The following TEAD1 variants were observed in gnomAD, a reference collection of about 807,000 sequenced individuals.
The protein encoded by TEAD1 is TEA domain transcription factor 1, also known as transcriptional enhancer factor TEF-1.
In TEAD1, 9 loss-of-function variants were observed where a neutral mutation model predicts 54.9. The ratio of observed to expected loss-of-function variants is 0.16; its 90% confidence interval spans 0.10 to 0.29. The LOEUF is 0.29. TEAD1 is among the 10% of genes least tolerant of loss of function. The pLI, the probability that TEAD1 is intolerant of heterozygous loss-of-function variation, is 1.00. For synonymous variants in TEAD1, 200 were observed against 187.8 expected, an observed-to-expected ratio of 1.07 and a Z score of -0.53; for missense variants, 387 against 535.9, an observed-to-expected ratio of 0.72 and a Z score of 2.74.
intron 2 of TEAD1, among the ~76,000 whole-genome samples, chr11:12,723,509 C>T (rs564936883): frequency 9.2e-5 from 14 of 152,216 alleles, no homozygotes; most frequent in South Asian, 8.3e-4. Flanking sequence ...ATTAACTGTT[C>T]GTGATTTTAA....
At chr11:12,734,412 T>C (rs1202495084) in intron 2 of TEAD1, among the ~76,000 whole-genome samples, 1 of 152,142 alleles carries the variant, frequency 6.6e-6, no homozygotes, top group Non-Finnish European at 1.5e-5. Context: ...TATTTTATAA[T>C]TGAAAAAAAA....
intron 9 of TEAD1, among the ~76,000 whole-genome samples, chr11:12,883,875 G>A (rs1589956652): frequency 6.6e-6 from 1 of 151,912 alleles, no homozygotes; most frequent in Admixed American, 6.6e-5. Context: ...CGCACATGTA[G>A]TCCCAGCTAC....
At chr11:12,862,558 G>A (rs980060072) in intron 4 of TEAD1, among the ~76,000 whole-genome samples, 10 of 152,152 alleles carry the variant, frequency 6.6e-5, no homozygotes, top group African/African-American at 2.2e-4. Context: ...GCTAAGGACG[G>A]TGTATGAACC....
At chr11:12,740,066 A>G (rs1027625184) in intron 2 of TEAD1, among the ~76,000 whole-genome samples, 4 of 152,236 alleles carry the variant, frequency 2.6e-5, no homozygotes, top group African/African-American at 7.2e-5. Flanking sequence ...GAGGAACAGC[A>G]TAACAGTGGC....
intron 9 of TEAD1, among the ~76,000 whole-genome samples, chr11:12,885,392 C>T (rs896575559): frequency 3.3e-5 from 5 of 152,114 alleles, no homozygotes; most frequent in South Asian, 2.1e-4. Context: ...CCCGCCACTA[C>T]GCCTGGCTAA....
rs953830773 is a variant in TEAD1, at chr11:12,941,422, G to C, written c.*4200G>C. On this transcript the variant is annotated 3_prime_UTR_variant, in exon 13 of 13. Coordinates refer to ENST00000527636, the MANE Select transcript of TEAD1 (RefSeq NM_021961.6). ...CAAGTACTTGGTGTCAAAAGTCCCC[G>C]AACGACTTTTAAACCCAAGTCTTCT... The C allele has an allele frequency of 6.6e-6, 1 of 152,142 alleles. No individual in the cohort carries two copies. The highest frequency in any genetic ancestry group is 1.5e-5 in the Non-Finnish European group (1 of 68,030). The allele number at this position is 152,142 out of a possible 1,614,324, so 9.4% of individuals were successfully genotyped here.
chr11:12,757,130 T>C, intron 2 of TEAD1, among the ~76,000 whole-genome samples: 1 of 152,202 alleles, frequency 6.6e-6, no homozygotes, highest in Non-Finnish European at 1.5e-5. Flanking sequence ...TACTGACTTC[T>C]CTCTCCTCCT....
At position 12,794,674 on chromosome 11, in the gene TEAD1, G is replaced by A. The variant is rs148992204; in HGVS notation, c.202+30240G>A. 2.6e-3 allele frequency among the ~76,000 whole-genome samples: 395 copies of A among 152,252 alleles called. 2 individuals are homozygous for A. Among genetic ancestry groups the A allele is most frequent in the East Asian group, 0.016 (84 of 5,170 alleles). Reference sequence around the variant, plus strand: ...CCAGAATGGGCCTCTGTGGCGAGCCGGGCCTGTAACTGTTCCCACTCATAA... The same window carrying A: ...CCAGAATGGGCCTCTGTGGCGAGCCAGGCCTGTAACTGTTCCCACTCATAA... On this transcript the variant is annotated intron_variant, in intron 3 of 12. Coordinates refer to ENST00000527636, the MANE Select transcript of TEAD1 (RefSeq NM_021961.6).
intron 3 of TEAD1, among the ~76,000 whole-genome samples, chr11:12,855,741 C>A (rs920598864): frequency 6.6e-6 from 1 of 151,542 alleles, no homozygotes; most frequent in Admixed American, 6.6e-5. Flanking sequence ...GCTAGGAGTT[C>A]GAGACTAGCC....
intron 3 of TEAD1, among the ~76,000 whole-genome samples, chr11:12,788,884 C>T (rs912792606): frequency 3.3e-5 from 5 of 152,196 alleles, no homozygotes; most frequent in Non-Finnish European, 2.9e-5. Context: ...GGATTAAAAA[C>T]CAATTTAACT....
At chr11:12,702,107 G>T (rs142883641) in intron 2 of TEAD1, among the ~76,000 whole-genome samples, 2 of 152,162 alleles carry the variant, frequency 1.3e-5, no homozygotes, top group Non-Finnish European at 2.9e-5. Flanking sequence ...TTACTTTTCT[G>T]TGTACTCCCT....
intron 2 of TEAD1, among the ~76,000 whole-genome samples, chr11:12,752,220 T>G (rs1406967218): frequency 1.3e-5 from 2 of 151,076 alleles, no homozygotes; most frequent in Non-Finnish European, 1.5e-5. Context: ...GCAGTTTTTT[T>G]TTTTTTTTTT....
At chr11:12,923,437 G>A (rs1948849632) in intron 10 of TEAD1, among the ~76,000 whole-genome samples, 1 of 152,162 alleles carries the variant, frequency 6.6e-6, no homozygotes. Context: ...TCTCCCTGGT[G>A]CTTAGTTCCG....
intron 10 of TEAD1, among the ~76,000 whole-genome samples, chr11:12,919,601 T>G (rs1204657462): frequency 6.6e-6 from 1 of 151,720 alleles, no homozygotes; most frequent in East Asian, 1.9e-4. Context: ...TCTAGGAAGC[T>G]TCCTATTTTA....
intron 9 of TEAD1, among the ~76,000 whole-genome samples, chr11:12,884,127 T>TC (rs954172484): frequency 6.6e-6 from 1 of 151,726 alleles, no homozygotes; most frequent in African/African-American, 2.4e-5. Flanking sequence ...CTTTCCTACC[T>TC]CCCCCACCCC....
intron 3 of TEAD1, among the ~76,000 whole-genome samples, chr11:12,842,032 C>G (rs1032232075): frequency 3.9e-5 from 6 of 152,214 alleles, no homozygotes; most frequent in Non-Finnish European, 7.4e-5. Context: ...CAAGCTTACC[C>G]AAACCCCCAA....
At chr11:12,894,868 G>A (rs906146822) in intron 9 of TEAD1, among the ~76,000 whole-genome samples, 1 of 152,148 alleles carries the variant, frequency 6.6e-6, no homozygotes. Context: ...AGTGTTATGT[G>A]TTTTCCTTGC....
chr11:12,932,467 T>A (rs1949028207), intron 12 of TEAD1, among the ~76,000 whole-genome samples: 1 of 152,158 alleles, frequency 6.6e-6, no homozygotes, highest in Non-Finnish European at 1.5e-5. Context: ...TGTTTCTGCA[T>A]GCTAAGGATG....
intron 12 of TEAD1, among the ~76,000 whole-genome samples, chr11:12,935,964 C>A (rs1411445707): frequency 6.6e-6 from 1 of 152,138 alleles, no homozygotes; most frequent in African/African-American, 2.4e-5. Context: ...TAAGTAGGGA[C>A]TGGAAGCTTG....
Sources: allele counts gnomAD v4.1 joint callset (sites outside exome capture counted in the v4.1 genomes callset), GRCh38; gene constraint gnomAD v4.1.1; transcripts MANE v1.5; gene names NCBI Gene and HGNC (gene_info 2026-07-23, HGNC 2026-07-21).